CTIF: variants seen among roughly 807,000 people sequenced by gnomAD.
The protein encoded by CTIF is CBP80/20-dependent translation initiation factor.
Under a neutral mutation model 66.0 loss-of-function variants are expected in CTIF, and 21 were observed. That is an observed-to-expected ratio of 0.32 (90% CI 0.23 to 0.46). CTIF has a LOEUF of 0.46. Among genes scored for constraint, CTIF ranks in the 20% least tolerant of loss-of-function variants. The pLI, the probability that CTIF is intolerant of heterozygous loss-of-function variation, is 1.00. For missense variants in CTIF, 739 were observed against 812.7 expected, an observed-to-expected ratio of 0.91 and a Z score of 1.10; for synonymous variants, 345 against 326.4, an observed-to-expected ratio of 1.06 and a Z score of -0.62.
At chr18:48,801,173 C>G (rs2068041698) in intron 9 of CTIF, among the ~76,000 whole-genome samples, 1 of 152,216 alleles carries the variant, frequency 6.6e-6, no homozygotes, top group Admixed American at 6.5e-5. Flanking sequence ...CAGAATGGCA[C>G]ACTGTGAGAG....
chr18:48,617,438 A>G (rs984659181), intron 1 of CTIF, among the ~76,000 whole-genome samples: 1 of 152,122 alleles, frequency 6.6e-6, no homozygotes, highest in Non-Finnish European at 1.5e-5. Context: ...ACTCCTGGAG[A>G]GTAACTGGGA....
chr18:48,542,993 G>A (rs543642216), intron 1 of CTIF, among the ~76,000 whole-genome samples: 1 of 152,368 alleles, frequency 6.6e-6, no homozygotes, highest in South Asian at 2.1e-4. Context: ...TGTGGCTTTG[G>A]TCAAGGTCTC....
rs1260335842 is a variant in CTIF, at chr18:48,797,210, C to T, written c.1372-20011C>T. Among the ~76,000 whole-genome samples the T allele has an allele frequency of 6.6e-5, 10 of 152,164 alleles. 1 individual carries two copies. In the East Asian group the frequency reaches 7.7e-4, roughly 12 times the overall value. Reference sequence around the variant, plus strand: ...AAAAGGGCAACTTTCTGGCTGGGCACGATGGCTCACACCTGTGATCCTAAC... The same window carrying T: ...AAAAGGGCAACTTTCTGGCTGGGCATGATGGCTCACACCTGTGATCCTAAC... On this transcript the variant is annotated intron_variant, in intron 9 of 11. Transcript: ENST00000256413.
At chr18:48,736,916 G>A (rs1014534176) in intron 7 of CTIF, among the ~76,000 whole-genome samples, 19 of 152,072 alleles carry the variant, frequency 1.2e-4, no homozygotes, top group Non-Finnish European at 2.8e-4. Flanking sequence ...CTGCACTCAC[G>A]TTCACACAGC....
chr18:48,668,808 C>T (rs1212070943), intron 5 of CTIF, among the ~76,000 whole-genome samples: 4 of 152,140 alleles, frequency 2.6e-5, no homozygotes, highest in African/African-American at 4.8e-5. Context: ...GTTCCTGCAA[C>T]GATCCCTTGT....
chr18:48,634,661 T>C (rs1195781348), intron 2 of CTIF, among the ~76,000 whole-genome samples: 3 of 152,234 alleles, frequency 2.0e-5, no homozygotes, highest in Non-Finnish European at 4.4e-5. Context: ...CTGTCTCCCA[T>C]TGGCCAAGCC....
At chr18:48,588,446 C>T (rs1180739667) in intron 1 of CTIF, among the ~76,000 whole-genome samples, 1 of 152,218 alleles carries the variant, frequency 6.6e-6, no homozygotes, top group Non-Finnish European at 1.5e-5. Flanking sequence ...CACTTGGCTG[C>T]CTTAGGGACC....
At chr18:48,802,221 C>T (rs935675193) in intron 9 of CTIF, among the ~76,000 whole-genome samples, 23 of 152,200 alleles carry the variant, frequency 1.5e-4, no homozygotes, top group Non-Finnish European at 2.4e-4. Flanking sequence ...GCTGAGGCCT[C>T]AGTGAGCACA....
chr18:48,846,828 T>C (rs1468303093), intron 10 of CTIF, among the ~76,000 whole-genome samples: 3 of 151,458 alleles, frequency 2.0e-5, no homozygotes, highest in Non-Finnish European at 4.4e-5. Flanking sequence ...GATGGATAGA[T>C]AGATGAATGA....
chr18:48,625,014 G>GT, intron 2 of CTIF, among the ~76,000 whole-genome samples: 1 of 152,206 alleles, frequency 6.6e-6, no homozygotes, highest in East Asian at 1.9e-4. Context: ...AGGATAGGGT[G>GT]AGAGTGTTCA....
At position 48,758,061 on chromosome 18, in the gene CTIF, G is replaced by A; in HGVS notation, c.727G>A (p.Gly243Ser). 6.2e-7 allele frequency: 1 copy of A among 1,614,084 alleles called. No homozygotes were observed. Among genetic ancestry groups the A allele is most frequent in the Non-Finnish European group, 8.5e-7 (1 of 1,180,016 alleles). Residue 243 changes from glycine to serine, a missense_variant, in exon 8 of 12, where the codon GGC (glycine) becomes AGC (serine). This residue lies in a region of CTIF where 529 missense variants were observed against 520.3 expected (regional missense o/e 1.02). Transcript: ENST00000256413. ...PHPSGRPTHH[G>S]YSQNRRWHHG... ...CCCCTCAGGGAGGCCCACTCACCAT[G>A]GCTACAGCCAGAACCGGCGCTGGCA... is the stretch of plus-strand genomic sequence containing the variant.
chr18:48,726,198 T>G (rs2092385921), intron 7 of CTIF, among the ~76,000 whole-genome samples: 1 of 152,218 alleles, frequency 6.6e-6, no homozygotes, highest in Non-Finnish European at 1.5e-5. Context: ...TTTATAGTTG[T>G]GGATATGTAC....
intron 1 of CTIF, among the ~76,000 whole-genome samples, chr18:48,581,397 A>G (rs1358259042): frequency 6.6e-6 from 1 of 152,016 alleles, no homozygotes; most frequent in Non-Finnish European, 1.5e-5. Flanking sequence ...CCCTCATCTT[A>G]TCTCTGGGTT....
At chr18:48,643,588 C>T (rs1470116752) in intron 3 of CTIF, among the ~76,000 whole-genome samples, 1 of 152,068 alleles carries the variant, frequency 6.6e-6, no homozygotes, top group Non-Finnish European at 1.5e-5. Context: ...AGAATTAGAG[C>T]TCTATCTTTA....
chr18:48,833,382 G>A (rs968054876), intron 10 of CTIF, among the ~76,000 whole-genome samples: 3 of 152,134 alleles, frequency 2.0e-5, no homozygotes, highest in East Asian at 1.9e-4. Flanking sequence ...TTGCTGATGC[G>A]GAGAAGTGGA....
chr18:48,726,741 A>G (rs1411197882), intron 7 of CTIF, among the ~76,000 whole-genome samples: 2 of 152,080 alleles, frequency 1.3e-5, no homozygotes, highest in East Asian at 3.9e-4. Context: ...ATTCTACCAT[A>G]TTCTGTTGGT....
At chr18:48,788,384 G>A (rs568380554) in intron 9 of CTIF, among the ~76,000 whole-genome samples, 15 of 152,230 alleles carry the variant, frequency 9.9e-5, no homozygotes, top group African/African-American at 3.4e-4. Flanking sequence ...TGACTCCTAG[G>A]AGAGCTTTGG....
At chr18:48,576,432 G>A (rs1232834570) in intron 1 of CTIF, among the ~76,000 whole-genome samples, 1 of 152,322 alleles carries the variant, frequency 6.6e-6, no homozygotes, top group South Asian at 2.1e-4. Context: ...GTTCATCTGC[G>A]GACCTTGCTG....
At chr18:48,576,787 G>A (rs970919602) in intron 1 of CTIF, among the ~76,000 whole-genome samples, 2 of 152,232 alleles carry the variant, frequency 1.3e-5, no homozygotes, top group Non-Finnish European at 2.9e-5. Context: ...TATTTACACC[G>A]TAATTCCCTA....
Sources: allele counts gnomAD v4.1 joint callset (sites outside exome capture counted in the v4.1 genomes callset), GRCh38; gene constraint gnomAD v4.1.1; regional missense constraint gnomAD v4.1.1; transcripts MANE v1.5; gene names NCBI Gene and HGNC (gene_info 2026-07-23, HGNC 2026-07-21).